Variants in TMEM63B observed in about 807,000 individuals in gnomAD.
The protein encoded by TMEM63B is mechanosensitive cation channel TMEM63B.
TMEM63B carries 23 observed loss-of-function variants against 102.6 expected under a neutral mutation model. That is an observed-to-expected ratio of 0.22 (90% CI 0.16 to 0.32). TMEM63B has a LOEUF of 0.32. Among genes scored for constraint, TMEM63B ranks in the 10% least tolerant of loss-of-function variants. TMEM63B has a pLI of 1.00. For missense variants in TMEM63B, 628 were observed against 1,095.9 expected (o/e 0.57, Z 6.03); for synonymous variants, 444 against 437.0 (o/e 1.02, Z -0.20).
intron 5 of TMEM63B, among the ~76,000 whole-genome samples, chr6:44,137,847 C>T (rs1391687828): frequency 2.6e-5 from 4 of 152,050 alleles, no homozygotes; most frequent in South Asian, 2.1e-4. Context: ...TACAGGCGCG[C>T]ACCACCACAC....
chr6:44,126,762 T>C (rs950799961), upstream of TMEM63B, among the ~76,000 whole-genome samples: 3 of 152,202 alleles, frequency 2.0e-5, no homozygotes, highest in South Asian at 2.1e-4. Flanking sequence ...GGGTGATATA[T>C]AGAAAGAGTC....
intron 10 of TMEM63B, among the ~76,000 whole-genome samples, chr6:44,142,379 A>G (rs1276959534): frequency 4.6e-5 from 7 of 151,652 alleles, no homozygotes; most frequent in Non-Finnish European, 8.8e-5. Context: ...AAAATACAAA[A>G]ATTAGCCAGG....
At position 44,154,348 on chromosome 6, in the gene TMEM63B, A is replaced by G. The variant is rs1448866225; in HGVS notation, c.2227-17A>G. The G allele has an allele frequency of 6.2e-7, 1 of 1,613,750 alleles. No homozygotes were observed. Among genetic ancestry groups the G allele is most frequent in the East Asian group, 2.2e-5 (1 of 44,858 alleles). On this transcript the variant is annotated splice_polypyrimidine_tract_variant and intron_variant, in intron 22 of 23. Transcript: ENST00000323267. ...AGGACATGCCCCCACTTCCTGACTC[A>G]TTCTGGGCCCCTCAAGATTGAGCAC...
chr6:44,140,583 C>A (rs1307780722), intron 9 of TMEM63B: 2 of 651,946 alleles, frequency 3.1e-6, no homozygotes, highest in Non-Finnish European at 5.6e-6. Context: ...GTGGGGAATA[C>A]ACAGAAACAG....
In TMEM63B at chr6:44,154,417, C is replaced by T. The variant is rs1767565688; in HGVS notation, c.2279C>T (p.Pro760Leu). ...GACCCCAGAAGCAATGGACGGCCCCCCACTGCTGCTGCTGTCCCCAAATCT... is the reference window on the plus strand; with the variant it reads ...GACCCCAGAAGCAATGGACGGCCCCTCACTGCTGCTGCTGTCCCCAAATCT... ...TVDPRSNGRP[P>L]TAAAVPKSAK... is the part of the protein sequence containing the mutation. The change falls in exon 23 of 24, where the codon CCC becomes CTC. Residue 760 changes from proline (P) to leucine (L), a missense_variant. Around this residue, in one of 6 missense-constraint regions of TMEM63B, gnomAD observed 129 missense variants for 153.5 expected, o/e 0.84. Transcript: ENST00000323267. 6.2e-7 allele frequency: 1 copy of T among 1,613,966 alleles called. No homozygotes were observed. Among genetic ancestry groups the T allele is most frequent in the Non-Finnish European group, 8.5e-7 (1 of 1,179,980 alleles).
At chr6:44,153,616 G>C in intron 20 of TMEM63B, 60 bp from the exon 21 acceptor site, 3 of 1,569,344 alleles carry the variant, frequency 1.9e-6, no homozygotes, top group East Asian at 4.5e-5. Flanking sequence ...ACCTGTGACA[G>C]ACACACAAAA....
Position 44,152,822 on chromosome 6 carries a change from G to T in TMEM63B, c.1942+124G>T. ...CCGGCTGGGAGACCGGCCCCTCGGG[G>T]CTCCCGCCCGGTCCCTGGCTCAGTC... is the stretch of plus-strand genomic sequence containing the variant. On this transcript the variant is annotated intron_variant, in intron 20 of 23. Transcript: ENST00000323267. The surrounding 1 kb of genome is among the most constrained non-coding windows in gnomAD (Gnocchi z 6.4). The T allele has an allele frequency of 1.3e-6, 1 of 764,646 alleles. No individual in the cohort carries two copies. The highest frequency in any genetic ancestry group is 2.1e-6 in the Non-Finnish European group (1 of 471,650). 47.4% of individuals were successfully genotyped at this position (764,646 alleles called of 1,614,324 possible).
chr6:44,154,565 G>A, intron 23 of TMEM63B, 120 bp downstream of exon 23: 1 of 1,474,616 alleles, frequency 6.8e-7, no homozygotes, highest in Non-Finnish European at 9.3e-7. Context: ...GAAGAGAGCT[G>A]GTCTCCCTGG....
rs553274211 is a variant in TMEM63B at position 44,139,315 on chromosome 6, G to C, written c.408-152G>C. 24 of 875,692 alleles carry C rather than the reference G, an allele frequency of 2.7e-5. No individual in the cohort carries two copies. In the East Asian group the frequency reaches 6.0e-4, roughly 22 times the overall value. 54.2% of individuals were successfully genotyped at this position (875,692 alleles called of 1,614,324 possible). Reference sequence around the variant, plus strand: ...CCCTCTCCCTTCACAGAAAATAGGGGACCAAGAAGTCCCATTTCAGCCCTA... The same window carrying C: ...CCCTCTCCCTTCACAGAAAATAGGGCACCAAGAAGTCCCATTTCAGCCCTA... On this transcript the variant is annotated intron_variant, in intron 6 of 23. Transcript: ENST00000323267.
rs1054896919 is a variant in TMEM63B at position 44,155,270 on chromosome 6, G to A, written c.*387G>A. 1.3e-5 allele frequency: 2 copies of A among 155,042 alleles called. No individual in the cohort carries two copies. The highest frequency in any genetic ancestry group is 4.8e-5 in the African/African-American group (2 of 41,404). The allele number at this position is 155,042 out of a possible 1,614,324, so 9.6% of individuals were successfully genotyped here. On this transcript the variant is annotated 3_prime_UTR_variant, in exon 24 of 24. Coordinates refer to ENST00000323267, the MANE Select transcript of TMEM63B (RefSeq NM_018426.3). ...GATCTGGGGCTGTTCCCCCCCCTCC[G>A]TTTTTTCCACCCCACAGTTCCTCCT...
chr6:44,126,817 C>T (rs986552180), upstream of TMEM63B: 2 of 152,172 alleles, frequency 1.3e-5, no homozygotes, highest in East Asian at 1.9e-4. Context: ...CTGGTAGATG[C>T]AGTCTCTGGT....
chr6:44,140,883 T>G, intron 9 of TMEM63B, 145 bp from the exon 10 acceptor site: 1 of 696,914 alleles, frequency 1.4e-6, no homozygotes, highest in South Asian at 1.6e-5. Context: ...TAAGGCCTCC[T>G]CCCACCCCAT....
At chr6:44,137,773 A>G (rs891437066) in intron 5 of TMEM63B, among the ~76,000 whole-genome samples, 5 of 150,836 alleles carry the variant, frequency 3.3e-5, no homozygotes, top group Non-Finnish European at 5.9e-5. Flanking sequence ...ATCTCAGCTC[A>G]CTGCAACCTC....
At chr6:44,151,714 C>CTTT (rs1766670600) in intron 18 of TMEM63B, 132 bp from the exon 19 acceptor site, 3 of 1,061,728 alleles carry the variant, frequency 2.8e-6, no homozygotes, top group Non-Finnish European at 4.1e-6. Flanking sequence ...GTGCTTGGGG[C>CTTT]GCTAAGCTGG....
Position 44,152,836 on chromosome 6 carries a change from C to A in TMEM63B, c.1942+138C>A. The A allele has an allele frequency of 1.4e-6, 1 of 700,360 alleles. No homozygotes were observed. The highest frequency in any genetic ancestry group is 2.4e-6 in the Non-Finnish European group (1 of 417,216). 43.4% of individuals were successfully genotyped at this position (700,360 alleles called of 1,614,324 possible). ...GGCCCCTCGGGGCTCCCGCCCGGTC[C>A]CTGGCTCAGTCTGGGGCCTGGCCTG... is the stretch of plus-strand genomic sequence containing the variant. On this transcript the variant is annotated intron_variant, in intron 20 of 23. Coordinates refer to ENST00000323267, the MANE Select transcript of TMEM63B (RefSeq NM_018426.3). The surrounding 1 kb of genome is among the most constrained non-coding windows in gnomAD (Gnocchi z 6.4).
Position 44,150,075 on chromosome 6 carries a change from C to A in TMEM63B, c.1520+110C>A. ...CTCCTGGCCCTGGGCAGTCCCACAG[C>A]TGGTAGGGAAGGGGTAGTGCCCAGC... On this transcript the variant is annotated intron_variant, in intron 16 of 23. Coordinates refer to ENST00000323267, the MANE Select transcript of TMEM63B (RefSeq NM_018426.3). The surrounding 1 kb of genome is among the most constrained non-coding windows in gnomAD (Gnocchi z 4.7). The A allele has an allele frequency of 7.4e-7, 1 of 1,343,338 alleles. No homozygotes were observed. The highest frequency in any genetic ancestry group is 1.0e-6 in the Non-Finnish European group (1 of 962,696). The allele number at this position is 1,343,338 out of a possible 1,614,324, so 83.2% of individuals were successfully genotyped here.
At chr6:44,134,911 G>A (rs1400406554) in intron 2 of TMEM63B, 106 bp from the exon 3 acceptor site, 1 of 1,506,990 alleles carries the variant, frequency 6.6e-7, no homozygotes, top group Admixed American at 1.8e-5. Context: ...CCCAAGCCAG[G>A]GTCATCCCCT....
intron 1 of TMEM63B, among the ~76,000 whole-genome samples, chr6:44,130,009 G>A (rs558539074): frequency 6.6e-4 from 100 of 152,330 alleles, no homozygotes; most frequent in African/African-American, 2.2e-3. Flanking sequence ...TATGGTGCCT[G>A]TCCCCTATGC....
At chr6:44,140,148 A>G (rs1429536327) in intron 8 of TMEM63B, 104 bp from the exon 9 acceptor site, 14 of 879,604 alleles carry the variant, frequency 1.6e-5, no homozygotes, top group Non-Finnish European at 2.3e-5. Flanking sequence ...GTGGCAGTAG[A>G]GGGCCCTGTC....
Sources: allele counts gnomAD v4.1 joint callset (sites outside exome capture counted in the v4.1 genomes callset), GRCh38; gene constraint gnomAD v4.1.1; regional missense constraint gnomAD v4.1.1; non-coding constraint Gnocchi (gnomAD v3.1); transcripts MANE v1.5; gene names NCBI Gene and HGNC (gene_info 2026-07-23, HGNC 2026-07-21).